Variants in MYO5C observed in about 807,000 individuals in gnomAD.
MYO5C encodes unconventional myosin-Vc.
A neutral mutation model predicts 235.7 loss-of-function variants in MYO5C; 194 were observed. The ratio of observed to expected loss-of-function variants is 0.82; its 90% CI spans 0.73 to 0.93. The LOEUF (loss-of-function observed/expected upper bound fraction) is 0.93, where lower values mean the gene tolerates loss of function less well. Among genes scored for constraint, MYO5C ranks in the 40% least tolerant of loss-of-function variants. The pLI is 0.00. For missense variants in MYO5C, 2,038 were observed against 2,127.2 expected, an observed-to-expected ratio of 0.96 and a Z score of 0.82; for synonymous variants, 707 against 754.8, an observed-to-expected ratio of 0.94 and a Z score of 1.04.
chr15:52,275,942 C>A (rs753822000), intron 4 of MYO5C, among the ~76,000 whole-genome samples: 6 of 152,118 alleles, frequency 3.9e-5, no homozygotes, highest in Non-Finnish European at 8.8e-5. Context: ...CAAATCCTTA[C>A]TCCTTACTGC....
intron 4 of MYO5C, chr15:52,277,755 G>A: frequency 2.3e-6 from 1 of 439,628 alleles, no homozygotes; most frequent in South Asian, 1.6e-5. Context: ...GAGCTGCACG[G>A]CACCGGGTCT....
intron 28 of MYO5C, among the ~76,000 whole-genome samples, chr15:52,224,242 C>T (rs2035767973): frequency 6.6e-6 from 1 of 152,180 alleles, no homozygotes; most frequent in Admixed American, 6.5e-5. Flanking sequence ...AAGATCTTGC[C>T]ACTGCACTCC....
intron 11 of MYO5C, 48 bp from the exon 12 acceptor site, chr15:52,253,505 C>T (rs74455958): frequency 0.025 from 39,580 of 1,556,730 alleles, 1,513 homozygotes; most frequent in African/African-American, 0.14. Flanking sequence ...TATTAAAATA[C>T]GTTTCCAAAG....
At chr15:52,258,722 C>A (rs1307710445) in intron 10 of MYO5C, among the ~76,000 whole-genome samples, 1 of 152,120 alleles carries the variant, frequency 6.6e-6, no homozygotes, top group African/African-American at 2.4e-5. Flanking sequence ...TTTTTGGAGG[C>A]GTATCATGAA....
chr15:52,256,849 A>C, intron 10 of MYO5C, 129 bp from the exon 11 acceptor site: 4 of 654,358 alleles, frequency 6.1e-6, no homozygotes, highest in Non-Finnish European at 8.0e-6. Context: ...ATACCCCTCA[A>C]AGCTTCTGGT....
intron 20 of MYO5C, among the ~76,000 whole-genome samples, chr15:52,241,111 G>C (rs1439305688): frequency 6.6e-6 from 1 of 152,174 alleles, no homozygotes; most frequent in African/African-American, 2.4e-5. Flanking sequence ...GTCAGTGCTG[G>C]AGAAATCTTG....
chr15:52,264,079 T>C, intron 9 of MYO5C, 111 bp downstream of exon 9: 1 of 743,380 alleles, frequency 1.3e-6, no homozygotes, highest in Non-Finnish European at 2.2e-6. Flanking sequence ...TAAACCAGTC[T>C]ACCCAGGAGG....
Position 52,232,689 on chromosome 15 carries a change from T to C in MYO5C, c.2963-4A>G. 6.2e-7 allele frequency: 1 copy of C among 1,613,662 alleles called. No homozygotes were observed. Among genetic ancestry groups the C allele is most frequent in the South Asian group, 1.1e-5 (1 of 91,062 alleles). On this transcript the variant is annotated splice_region_variant and splice_polypyrimidine_tract_variant and intron_variant, in intron 23 of 40. Coordinates refer to ENST00000261839, the MANE Select transcript of MYO5C (RefSeq NM_018728.4). The stretch of plus-strand genomic sequence containing the variant: ...TTGGTGAGGTTGTCCATTTTTTCTG[T>C]AAAAAGAGAATGCTTTTTGAGATAT...
At chr15:52,230,759 A>G (rs1031892355) in intron 24 of MYO5C, among the ~76,000 whole-genome samples, 16 of 151,856 alleles carry the variant, frequency 1.1e-4, no homozygotes, top group Admixed American at 8.5e-4. Context: ...TTTTAAAAAA[A>G]AACTGCAGTG....
Position 52,235,791 on chromosome 15 carries a change from C to T in MYO5C, c.2869-28G>A, listed in dbSNP as rs374411003. 1,146 of 1,535,406 alleles carry T rather than the reference C, an allele frequency of 7.5e-4. 1 individual carries two copies. Among genetic ancestry groups the T allele is most frequent in the Non-Finnish European group, 9.0e-4 (1,013 of 1,120,380 alleles). On this transcript the variant is annotated intron_variant, in intron 22 of 40. Transcript: ENST00000261839. ...AGCAGAGGGAAGGGGGAAAAACAAA[C>T]TTTTTTGAAAACCTCACTTCAAGTT...
chr15:52,276,518 T>C (rs530261441), intron 4 of MYO5C, among the ~76,000 whole-genome samples: 2 of 152,274 alleles, frequency 1.3e-5, no homozygotes, highest in Middle Eastern at 3.4e-3. Context: ...GTATTCAGCA[T>C]AAAGCACATT....
intron 1 of MYO5C, among the ~76,000 whole-genome samples, chr15:52,286,078 G>A (rs1310704137): frequency 6.6e-6 from 1 of 151,188 alleles, no homozygotes; most frequent in East Asian, 1.9e-4. Context: ...GTCTCTGCCC[G>A]GCCGCCCCGT....
At chr15:52,262,100 C>G (rs1178964766) in intron 9 of MYO5C, among the ~76,000 whole-genome samples, 1 of 152,108 alleles carries the variant, frequency 6.6e-6, no homozygotes, top group Non-Finnish European at 1.5e-5. Context: ...AAGAATGAAA[C>G]CTTCTGAGTC....
chr15:52,281,546 C>T (rs1405369303), intron 2 of MYO5C, among the ~76,000 whole-genome samples: 4 of 152,208 alleles, frequency 2.6e-5, no homozygotes, highest in Non-Finnish European at 1.5e-5. Flanking sequence ...AGGGAAGCCC[C>T]GGGGAGCAGG....
intron 1 of MYO5C, among the ~76,000 whole-genome samples, chr15:52,288,283 A>T (rs76373107): frequency 0.056 from 8,510 of 152,264 alleles, 467 homozygotes; most frequent in African/African-American, 0.14. Context: ...CCCTGAAAGT[A>T]ATCCTGAACT....
At chr15:52,217,790 G>A (rs2035588891) in intron 32 of MYO5C, among the ~76,000 whole-genome samples, 1 of 152,146 alleles carries the variant, frequency 6.6e-6, no homozygotes, top group African/African-American at 2.4e-5. Context: ...CAGGGAGAAG[G>A]GTACGTGGGC....
intron 10 of MYO5C, among the ~76,000 whole-genome samples, chr15:52,257,988 G>A (rs2140818660): frequency 6.6e-6 from 1 of 152,318 alleles, no homozygotes; most frequent in East Asian, 1.9e-4. Context: ...TGGTGGCTCA[G>A]AGATTCGGAG....
intron 1 of MYO5C, among the ~76,000 whole-genome samples, chr15:52,289,596 A>C (rs2140873328): frequency 6.6e-6 from 1 of 151,860 alleles, no homozygotes; most frequent in East Asian, 1.9e-4. Flanking sequence ...CATGGCCATA[A>C]GTCAGCCCCC....
chr15:52,211,580 A>C, intron 35 of MYO5C, 150 bp downstream of exon 35: 1 of 844,100 alleles, frequency 1.2e-6, no homozygotes, highest in South Asian at 1.7e-5. Context: ...TTTCCCTAAC[A>C]GTGTGGCTCC....
Sources: allele counts gnomAD v4.1 joint callset (sites outside exome capture counted in the v4.1 genomes callset), GRCh38; gene constraint gnomAD v4.1.1; transcripts MANE v1.5; gene names NCBI Gene and HGNC (gene_info 2026-07-23, HGNC 2026-07-21).